CRYZL1: variants seen among roughly 807,000 people sequenced by gnomAD.
CRYZL1 encodes crystallin zeta like 1, also known as ferry endosomal RAB5 effector complex subunit 4.
In CRYZL1, 34 loss-of-function variants were observed where a neutral mutation model predicts 50.6. The ratio of observed to expected loss-of-function variants is 0.67; its 90% CI spans 0.51 to 0.89. The LOEUF (loss-of-function observed/expected upper bound fraction) is 0.89, where lower values mean the gene tolerates loss of function less well. CRYZL1 is among the 40% of genes least tolerant of loss of function. CRYZL1 has a pLI of 0.00. For synonymous variants in CRYZL1, 125 were observed against 134.3 expected (o/e 0.93, Z 0.48); for missense variants, 354 against 402.3 (o/e 0.88, Z 1.03).
intron 1 of CRYZL1, among the ~76,000 whole-genome samples, chr21:33,635,468 C>T (rs1487137153): frequency 6.6e-6 from 1 of 150,826 alleles, no homozygotes; most frequent in Non-Finnish European, 1.5e-5. Context: ...CTCCTGCCTC[C>T]GCCTCCGGAG....
At chr21:33,640,783 G>A (rs2087288429) in intron 1 of CRYZL1, among the ~76,000 whole-genome samples, 1 of 152,094 alleles carries the variant, frequency 6.6e-6, no homozygotes, top group African/African-American at 2.4e-5. Flanking sequence ...GTGTCTAGTC[G>A]GAATTGAGAT....
At chr21:33,602,391 G>C in intron 7 of CRYZL1, 46 bp from the exon 8 acceptor site, 1 of 781,286 alleles carries the variant, frequency 1.3e-6, no homozygotes, top group Non-Finnish European at 2.2e-6. Context: ...ATAGAACAGA[G>C]GCCATATCGA....
At chr21:33,614,658 G>A (rs573605339) in intron 5 of CRYZL1, among the ~76,000 whole-genome samples, 16 of 152,128 alleles carry the variant, frequency 1.1e-4, no homozygotes, top group African/African-American at 3.9e-4. Context: ...TGCAACCTCC[G>A]CCTCCTGGGT....
At chr21:33,609,992 C>T (rs931795661) in intron 6 of CRYZL1, among the ~76,000 whole-genome samples, 1 of 151,352 alleles carries the variant, frequency 6.6e-6, no homozygotes, top group Non-Finnish European at 1.5e-5. Flanking sequence ...GCGTGAGCCA[C>T]CATGCCTAGC....
intron 10 of CRYZL1, among the ~76,000 whole-genome samples, chr21:33,596,742 C>G (rs1169659150): frequency 6.6e-6 from 1 of 151,352 alleles, no homozygotes; most frequent in African/African-American, 2.4e-5. Flanking sequence ...GATGTCTCTA[C>G]TAGGCAGTAT....
intron 1 of CRYZL1, chr21:33,641,350 G>C: frequency 6.6e-7 from 1 of 1,524,904 alleles, no homozygotes; most frequent in Non-Finnish European, 8.8e-7. Flanking sequence ...CAAATTCTAG[G>C]AACAAGAAGC....
intron 2 of CRYZL1, 52 bp from the exon 3 acceptor site, chr21:33,624,812 AAT>A (rs746128901): frequency 1.1e-4 from 173 of 1,563,470 alleles, no homozygotes; most frequent in Non-Finnish European, 1.4e-4. Context: ...TTCCTATGAG[AAT>A]ATGTCTTTAT....
At position 33,609,926 on chromosome 21, in the gene CRYZL1, G is replaced by A. The variant is rs539467695; in HGVS notation, c.331+3612C>T. Among the ~76,000 whole-genome samples, 55 of 149,550 alleles carry A rather than the reference G, an allele frequency of 3.7e-4. No individual in the cohort carries two copies. The South Asian group carries it at 0.01, about 28-fold the overall frequency. ...TCACTGTGTTAGCCAGGATGGTCTCGATCTCCTGACCTTGTGATCCGCCCG... is the reference window on the plus strand; with the variant it reads ...TCACTGTGTTAGCCAGGATGGTCTCAATCTCCTGACCTTGTGATCCGCCCG... On this transcript the variant is annotated intron_variant, in intron 6 of 12. Coordinates refer to ENST00000381554, the MANE Select transcript of CRYZL1 (RefSeq NM_145858.3).
intron 11 of CRYZL1, chr21:33,595,345 A>T (rs1230692607): frequency 3.1e-5 from 39 of 1,258,962 alleles, no homozygotes; most frequent in Non-Finnish European, 4.1e-5. Context: ...TCATAGGAGT[A>T]AGTGTGCAAC....
intron 3 of CRYZL1, 139 bp downstream of exon 3, chr21:33,624,544 C>T (rs578161747): frequency 2.1e-5 from 29 of 1,358,862 alleles, no homozygotes; most frequent in Middle Eastern, 2.8e-4. Flanking sequence ...AGTGAAACTC[C>T]GTCTCAAATA....
intron 4 of CRYZL1, among the ~76,000 whole-genome samples, chr21:33,618,572 A>C (rs1256150306): frequency 1.3e-5 from 2 of 152,166 alleles, no homozygotes; most frequent in Non-Finnish European, 2.9e-5. Flanking sequence ...TGGAAACCTG[A>C]ATCTGGAAAT....
chr21:33,612,173 A>G (rs1226769199), intron 6 of CRYZL1, among the ~76,000 whole-genome samples: 1 of 152,176 alleles, frequency 6.6e-6, no homozygotes, highest in Non-Finnish European at 1.5e-5. Context: ...TCTGGTATAT[A>G]TACATCATTA....
rs539674961 is a variant in CRYZL1 at position 33,590,884 on chromosome 21, C to G, written c.950+278G>C. Among the ~76,000 whole-genome samples the G allele has an allele frequency of 3.3e-5, 5 of 152,344 alleles. No homozygotes were observed. The East Asian group carries it at 9.6e-4, about 29-fold the overall frequency. On this transcript the variant is annotated intron_variant, in intron 12 of 12. Coordinates refer to ENST00000381554, the MANE Select transcript of CRYZL1 (RefSeq NM_145858.3). ...AGTGAGGAAAACTCACAAGCCACTT[C>G]TATCTCTGCGAGTACCTACTGGTGT...
chr21:33,638,357 C>A lies in CRYZL1; in HGVS notation c.-7+3324G>T, dbSNP rs559618858. Among the ~76,000 whole-genome samples the A allele has an allele frequency of 2.6e-5, 4 of 152,120 alleles. 1 individual carries two copies. In the East Asian group the frequency reaches 7.7e-4, roughly 29 times the overall value. Reference sequence around the variant, plus strand: ...CCTCCCGAGTAGCTGGGATTACAGGCGCACGCTACCACACCCAGCTAATTT... The same window carrying A: ...CCTCCCGAGTAGCTGGGATTACAGGAGCACGCTACCACACCCAGCTAATTT... On this transcript the variant is annotated intron_variant, in intron 1 of 12. Transcript: ENST00000381554.
At position 33,602,353 on chromosome 21, in the gene CRYZL1, G is replaced by GA. The variant is rs750013795; in HGVS notation, c.466-9dup. ...AGCTATTGTACCAAATGCCTGTGTA[G>GA]AAAAAAATATACAGTGGGTGTATGG... On this transcript the variant is annotated splice_polypyrimidine_tract_variant and intron_variant, in intron 7 of 12. Transcript: ENST00000381554. The GA allele has an allele frequency of 2.1e-6, 3 of 1,400,060 alleles. No individual in the cohort carries two copies. Among genetic ancestry groups the GA allele is most frequent in the Non-Finnish European group, 3.0e-6 (3 of 986,310 alleles). 86.7% of individuals were successfully genotyped at this position (1,400,060 alleles called of 1,614,324 possible).
intron 5 of CRYZL1, among the ~76,000 whole-genome samples, chr21:33,616,095 C>T (rs2086928455): frequency 6.6e-6 from 1 of 151,348 alleles, no homozygotes; most frequent in South Asian, 2.1e-4. Context: ...AACCCCACCA[C>T]AGTCCCCAGA....
intron 8 of CRYZL1, 43 bp from the exon 9 acceptor site, chr21:33,599,291 T>C: frequency 6.2e-7 from 1 of 1,613,198 alleles, no homozygotes; most frequent in Non-Finnish European, 8.5e-7. Flanking sequence ...GTTCTCTATG[T>C]GATCAACACA....
intron 2 of CRYZL1, among the ~76,000 whole-genome samples, chr21:33,627,813 C>T (rs977397047): frequency 6.8e-6 from 1 of 147,904 alleles, no homozygotes; most frequent in Admixed American, 6.9e-5. Flanking sequence ...GGCGTGATCT[C>T]CACTCACTAC....
chr21:33,610,731 T>G (rs2086863263), intron 6 of CRYZL1, among the ~76,000 whole-genome samples: 1 of 141,686 alleles, frequency 7.1e-6, no homozygotes, highest in Non-Finnish European at 1.5e-5. Context: ...TTGGTTGTTT[T>G]TTTTTTTTTT....
Sources: gnomAD v4.1 joint callset for allele counts (sites outside exome capture counted in the v4.1 genomes callset) on GRCh38, gnomAD v4.1.1 for gene constraint, MANE v1.5 for transcripts, NCBI Gene and HGNC (gene_info 2026-07-23, HGNC 2026-07-21) for gene names.